Variants in HTR2C observed in about 807,000 individuals in gnomAD.
The protein encoded by HTR2C is 5-hydroxytryptamine receptor 2C, also known as 5-hydroxytryptamine (serotonin) receptor 2C, G protein-coupled.
HTR2C carries 5 observed loss-of-function variants against 21.0 expected under a neutral mutation model. The observed-to-expected ratio is 0.24, with a 90% confidence interval of 0.12 to 0.50. The LOEUF (loss-of-function observed/expected upper bound fraction) is 0.50. Ranked by LOEUF, HTR2C falls within the 20% of genes least tolerant of loss-of-function variation. The pLI, the probability that HTR2C is intolerant of heterozygous loss-of-function variation, is 0.98. For missense variants in HTR2C, 271 were observed against 371.2 expected, an observed-to-expected ratio of 0.73 and a Z score of 2.22; for synonymous variants, 150 against 145.3, an observed-to-expected ratio of 1.03 and a Z score of -0.23.
chrX:114,907,495 T>A lies in HTR2C; in HGVS notation c.*80T>A. The A allele has an allele frequency of 1.4e-6, 1 of 721,094 alleles. No individual in the cohort carries two copies. The highest frequency in any genetic ancestry group is 2.1e-6 in the Non-Finnish European group (1 of 476,243). 59.4% of individuals were successfully genotyped at this position (721,094 alleles called of 1,213,427 possible). ...TCTTCTTTAATTTTTCTGTTGGTCT[T>A]AACTAATGTAAATATTGCTGTCTGA... On this transcript the variant is annotated 3_prime_UTR_variant, in exon 6 of 6. Transcript: ENST00000276198.
intron 4 of HTR2C, among the ~76,000 whole-genome samples, chrX:114,811,041 C>T (rs1331287275): frequency 9.0e-6 from 1 of 111,463 alleles, no homozygotes; most frequent in Non-Finnish European, 1.9e-5. Flanking sequence ...CTAATTATGT[C>T]ATTGAATGGC....
chrX:114,686,162 A>G (rs1315807775), intron 2 of HTR2C, among the ~76,000 whole-genome samples: 1 of 111,741 alleles, frequency 8.9e-6, no homozygotes, highest in Non-Finnish European at 1.9e-5. Context: ...TAACTTTGTT[A>G]TCTAAAACTT....
At chrX:114,849,127 C>A (rs1569499564) in intron 5 of HTR2C, among the ~76,000 whole-genome samples, 1 of 111,948 alleles carries the variant, frequency 8.9e-6, no homozygotes, top group East Asian at 2.8e-4. Context: ...CTGTGTATAG[C>A]ATAGACACCT....
At chrX:114,813,669 T>A (rs973623476) in intron 4 of HTR2C, among the ~76,000 whole-genome samples, 1 of 111,136 alleles carries the variant, frequency 9.0e-6, no homozygotes, top group Non-Finnish European at 1.9e-5. Flanking sequence ...GACCAGCTGC[T>A]AAACAGCCCG....
chrX:114,907,412 G>A lies in HTR2C; in HGVS notation c.1374G>A (p.Val458=), dbSNP rs1556487404. The A allele has an allele frequency of 1.7e-6, 2 of 1,181,854 alleles. No individual in the cohort carries two copies. Among genetic ancestry groups the A allele is most frequent in the Non-Finnish European group, 1.1e-6 (1 of 870,219 alleles). The change falls in exon 6 of 6, where the codon GTG becomes GTA. Residue 458 remains valine (V), a synonymous_variant. Coordinates refer to ENST00000276198, the MANE Select transcript of HTR2C (RefSeq NM_000868.4). ...TGGTTAGCGAAAGGATTAGCAGTGT[G>A]TGAGAAAGAACAGCACAGTCTTTTC... is the stretch of plus-strand genomic sequence containing the variant. ...SSVVSERISS[V]
intron 2 of HTR2C, among the ~76,000 whole-genome samples, chrX:114,619,367 C>T (rs1929066506): frequency 9.0e-6 from 1 of 111,613 alleles, no homozygotes; most frequent in East Asian, 2.8e-4. Flanking sequence ...ACTCCCAAAT[C>T]CGTTCTCCCA....
rs1367767083 is a variant in HTR2C, at chrX:114,809,380, C to CT, written c.350-38615dup. Among the ~76,000 whole-genome samples, 39 of 51,267 alleles carry CT rather than the reference C, an allele frequency of 7.6e-4. No individual in the cohort carries two copies. The South Asian group carries it at 0.025, about 33-fold the overall frequency. 44.5% of individuals were successfully genotyped at this position (51,267 alleles called of 115,157 possible). On this transcript the variant is annotated intron_variant, in intron 4 of 5. Coordinates refer to ENST00000276198, the MANE Select transcript of HTR2C (RefSeq NM_000868.4). ...ATGGTAAATGCTGCCAGTCCAGTGC[C>CT]TTTTTTTTGTTGTTTTTTTTTTGAC...
intron 4 of HTR2C, chrX:114,823,539 G>A (rs782355676): frequency 2.0e-5 from 7 of 341,927 alleles, no homozygotes; most frequent in South Asian, 1.3e-4. Flanking sequence ...TATGTAGGAT[G>A]TCCCATCTCC....
At chrX:114,600,577 A>T (rs1928044280) in intron 1 of HTR2C, among the ~76,000 whole-genome samples, 1 of 111,371 alleles carries the variant, frequency 9.0e-6, no homozygotes, top group South Asian at 3.7e-4. Flanking sequence ...TAAAAGGTGA[A>T]TCACAATATT....
chrX:114,860,835 A>T (rs1385756209), intron 5 of HTR2C, among the ~76,000 whole-genome samples: 1 of 110,759 alleles, frequency 9.0e-6, no homozygotes, highest in Non-Finnish European at 1.9e-5. Flanking sequence ...CCTCAATCAT[A>T]CTTCACTGTC....
intron 5 of HTR2C, among the ~76,000 whole-genome samples, chrX:114,855,746 CTTTTTTTTTTTTTTTTTTTTTT>C (rs782183285): frequency 2.8e-4 from 5 of 17,928 alleles, no homozygotes; most frequent in South Asian, 8.3e-3. Flanking sequence ...AAGCAACCAT[CTTTTTTTTTTTTTTTTTTTTTT>C]TTTTTTTTTT....
intron 2 of HTR2C, among the ~76,000 whole-genome samples, chrX:114,718,826 A>G (rs1933072095): frequency 9.3e-6 from 1 of 107,275 alleles, no homozygotes. Context: ...TTTTCTGGAC[A>G]CGAAATTATA....
chrX:114,733,448 A>T lies in HTR2C; in HGVS notation c.349+1841A>T, dbSNP rs145269384. ...AAAACCACCACAAGCAAGTAAGTCT[A>T]CCCCAAGTACGAAAATACTGAAAAG... On this transcript the variant is annotated intron_variant, in intron 4 of 5. Coordinates refer to ENST00000276198, the MANE Select transcript of HTR2C (RefSeq NM_000868.4). 7.6e-4 allele frequency among the ~76,000 whole-genome samples: 83 copies of T among 109,759 alleles called. 1 individual carries two copies. The East Asian group carries it at 0.017, about 23-fold the overall frequency.
chrX:114,794,193 C>T, intron 4 of HTR2C, among the ~76,000 whole-genome samples: 1 of 111,101 alleles, frequency 9.0e-6, no homozygotes, highest in Non-Finnish European at 1.9e-5. Flanking sequence ...ACCAAAATGC[C>T]TGCACCTTAT....
intron 2 of HTR2C, among the ~76,000 whole-genome samples, chrX:114,689,869 C>T (rs1262776413): frequency 9.0e-6 from 1 of 111,616 alleles, no homozygotes; most frequent in Non-Finnish European, 1.9e-5. Context: ...TGATGCAGTA[C>T]TTTTTAAAGT....
At chrX:114,899,266 A>C (rs1457420549) in intron 5 of HTR2C, among the ~76,000 whole-genome samples, 3 of 111,568 alleles carry the variant, frequency 2.7e-5, no homozygotes, top group African/African-American at 9.8e-5. Flanking sequence ...TGGAATTCCA[A>C]ACCAGTGGGT....
At chrX:114,791,261 A>G (rs911257911) in intron 4 of HTR2C, among the ~76,000 whole-genome samples, 9 of 112,731 alleles carry the variant, frequency 8.0e-5, no homozygotes, top group African/African-American at 2.9e-4. Context: ...TGGTACGTTA[A>G]TCTGAATGTG....
intron 2 of HTR2C, among the ~76,000 whole-genome samples, chrX:114,699,372 G>C (rs1932386675): frequency 1.8e-5 from 2 of 111,017 alleles, no homozygotes; most frequent in Non-Finnish European, 3.8e-5. Context: ...ACTTTCCATA[G>C]CTTCCTGCCC....
At chrX:114,626,450 G>C (rs1288574273) in intron 2 of HTR2C, among the ~76,000 whole-genome samples, 2 of 110,439 alleles carry the variant, frequency 1.8e-5, no homozygotes, top group Non-Finnish European at 3.8e-5. Context: ...TTGTCTCATA[G>C]TTTTGATGCT....
Sources: gnomAD v4.1 joint callset for allele counts (sites outside exome capture counted in the v4.1 genomes callset) on GRCh38, gnomAD v4.1.1 for gene constraint, MANE v1.5 for transcripts, NCBI Gene and HGNC (gene_info 2026-07-23, HGNC 2026-07-21) for gene names.